Variants in OSBPL10 observed in about 807,000 individuals in gnomAD.
OSBPL10 encodes the protein oxysterol-binding protein-related protein 10.
A neutral mutation model predicts 81.7 loss-of-function variants in OSBPL10; 49 were observed. The observed-to-expected ratio is 0.60, with a 90% CI of 0.48 to 0.76. The LOEUF (loss-of-function observed/expected upper bound fraction) is 0.76. Ranked by LOEUF, OSBPL10 falls within the 30% of genes least tolerant of loss-of-function variation. OSBPL10 has a pLI of 0.00. For missense variants in OSBPL10, 923 were observed against 987.8 expected, an observed-to-expected ratio of 0.93 and a Z score of 0.88; for synonymous variants, 419 against 383.6, an observed-to-expected ratio of 1.09 and a Z score of -1.08.
chr3:31,901,848 G>A (rs1357201790), intron 1 of OSBPL10, among the ~76,000 whole-genome samples: 4 of 152,062 alleles, frequency 2.6e-5, no homozygotes, highest in Non-Finnish European at 5.9e-5. Flanking sequence ...GATCAGCCTG[G>A]GCAATACGGC....
intron 3 of OSBPL10, among the ~76,000 whole-genome samples, chr3:31,850,958 A>G (rs1391814464): frequency 6.6e-6 from 1 of 152,248 alleles, no homozygotes; most frequent in East Asian, 1.9e-4. Flanking sequence ...GTGTGTCTGC[A>G]TATAATTTGG....
chr3:32,014,565 T>C (rs1270532866), intron 2 of OSBPL10, among the ~76,000 whole-genome samples: 2 of 152,176 alleles, frequency 1.3e-5, no homozygotes, highest in African/African-American at 4.8e-5. Context: ...TCACCACTCC[T>C]ATTCAACATA....
intron 4 of OSBPL10, among the ~76,000 whole-genome samples, chr3:31,809,784 T>A (rs1162787551): frequency 6.6e-6 from 1 of 151,492 alleles, no homozygotes; most frequent in Non-Finnish European, 1.5e-5. Context: ...CACTGCCGTA[T>A]CAGTGGAGAA....
chr3:31,868,082 C>T (rs1046091154), intron 3 of OSBPL10, among the ~76,000 whole-genome samples: 8 of 151,496 alleles, frequency 5.3e-5, no homozygotes, highest in Admixed American at 6.6e-5. Flanking sequence ...ACGGGCAGGA[C>T]GGACCTCCAA....
chr3:31,681,748 A>G (rs558397079), intron 8 of OSBPL10, among the ~76,000 whole-genome samples: 1 of 152,210 alleles, frequency 6.6e-6, no homozygotes, highest in Admixed American at 6.5e-5. Context: ...CAGACCTCTT[A>G]ATGCTGCTTA....
intron 4 of OSBPL10, among the ~76,000 whole-genome samples, chr3:31,789,080 G>A (rs1698940466): frequency 6.6e-6 from 1 of 152,124 alleles, no homozygotes; most frequent in African/African-American, 2.4e-5. Context: ...CCAGGTTCAA[G>A]AGATTCTCCT....
At chr3:31,985,527 G>A (rs73823918), upstream of OSBPL10, among the ~76,000 whole-genome samples, 7 of 152,154 alleles carry the variant, frequency 4.6e-5, no homozygotes, top group African/African-American at 1.7e-4. Flanking sequence ...TGGACCTGGA[G>A]GGCTGGTCTG....
At chr3:31,935,874 G>A (rs1377817480) in intron 1 of OSBPL10, among the ~76,000 whole-genome samples, 3 of 152,250 alleles carry the variant, frequency 2.0e-5, no homozygotes, top group African/African-American at 7.2e-5. Flanking sequence ...TTGCGTTTAA[G>A]CAAGGGGTTC....
chr3:31,874,797 T>C (rs895916674), intron 3 of OSBPL10, among the ~76,000 whole-genome samples: 12 of 152,086 alleles, frequency 7.9e-5, no homozygotes, highest in Non-Finnish European at 1.5e-4. Context: ...TTTAGCAACG[T>C]CTATGAAAAT....
intron 7 of OSBPL10, among the ~76,000 whole-genome samples, chr3:31,690,803 T>C (rs1386550690): frequency 5.3e-5 from 8 of 152,210 alleles, no homozygotes; most frequent in Admixed American, 1.3e-4. Flanking sequence ...GAATGCCAGA[T>C]CAACTTCAAA....
intron 4 of OSBPL10, among the ~76,000 whole-genome samples, chr3:31,756,387 C>T (rs114195857): frequency 0.033 from 5,075 of 152,248 alleles, 129 homozygotes; most frequent in Non-Finnish European, 0.047. Flanking sequence ...TTTTGCTTTC[C>T]GATTACAAAA....
intron 4 of OSBPL10, among the ~76,000 whole-genome samples, chr3:31,755,379 C>T (rs890053664): frequency 2.0e-5 from 3 of 152,338 alleles, no homozygotes; most frequent in African/African-American, 7.2e-5. Flanking sequence ...ATAAGCAGAT[C>T]TAACTGGCCG....
At chr3:31,760,793 C>T (rs375861948) in intron 4 of OSBPL10, among the ~76,000 whole-genome samples, 1 of 152,300 alleles carries the variant, frequency 6.6e-6, no homozygotes, top group East Asian at 1.9e-4. Context: ...TACTGCAGAA[C>T]ATTTCATCAC....
chr3:31,662,682 C>T (rs1700096236), intron 11 of OSBPL10: 20 of 985,494 alleles, frequency 2.0e-5, no homozygotes, highest in Non-Finnish European at 2.4e-5. Context: ...GTTCAGATGA[C>T]TCTTATTCCT....
chr3:31,687,046 G>A (rs1002234466), intron 7 of OSBPL10, among the ~76,000 whole-genome samples: 1 of 152,270 alleles, frequency 6.6e-6, no homozygotes, highest in African/African-American at 2.4e-5. Context: ...CCTTAATGAA[G>A]CCAAATCAAT....
At chr3:31,931,474 G>C (rs1255518267) in intron 1 of OSBPL10, among the ~76,000 whole-genome samples, 1 of 152,108 alleles carries the variant, frequency 6.6e-6, no homozygotes, top group Non-Finnish European at 1.5e-5. Context: ...TCCACCACCA[G>C]ATTCAACTCC....
Position 31,777,600 on chromosome 3 carries a change from T to G in OSBPL10, c.730-29480A>C, listed in dbSNP as rs926229408. Among the ~76,000 whole-genome samples, 3 of 152,168 alleles carry G rather than the reference T, an allele frequency of 2.0e-5. No homozygotes were observed. In the East Asian group the frequency reaches 5.8e-4, roughly 29 times the overall value. On this transcript the variant is annotated intron_variant, in intron 4 of 11. Coordinates refer to ENST00000396556, the MANE Select transcript of OSBPL10 (RefSeq NM_017784.5). ...TCCAGGAACCATTGTGAAAGTGTAC[T>G]AGGAAAATCAAAAGAATTCACAGAT...
chr3:31,805,655 A>G (rs1362428919), intron 4 of OSBPL10, among the ~76,000 whole-genome samples: 1 of 152,234 alleles, frequency 6.6e-6, no homozygotes, highest in Non-Finnish European at 1.5e-5. Flanking sequence ...ACCTTAAAAT[A>G]GCAAATAAAG....
At chr3:31,977,537 G>T (rs551242162) in intron 1 of OSBPL10, among the ~76,000 whole-genome samples, 3 of 152,260 alleles carry the variant, frequency 2.0e-5, no homozygotes, top group Non-Finnish European at 4.4e-5. Context: ...AGTTCTCGAG[G>T]TTTACTCTCC....
Sources: allele counts gnomAD v4.1 joint callset (sites outside exome capture counted in the v4.1 genomes callset), GRCh38; gene constraint gnomAD v4.1.1; transcripts MANE v1.5; gene names NCBI Gene and HGNC (gene_info 2026-07-23, HGNC 2026-07-21).